Variants in UBR3 observed in about 807,000 individuals in gnomAD.
The protein encoded by UBR3 is ubiquitin protein ligase E3 component n-recognin 3, also known as E3 ubiquitin-protein ligase UBR3.
In UBR3, 85 loss-of-function variants were observed where a neutral mutation model predicts 243.2. The observed-to-expected ratio is 0.35, with a 90% CI of 0.29 to 0.42. The LOEUF is 0.42. Among genes scored for constraint, UBR3 ranks in the 10% least tolerant of loss-of-function variants. UBR3 has a pLI of 1.00. For synonymous variants in UBR3, 748 were observed against 799.8 expected, an observed-to-expected ratio of 0.94 and a Z score of 1.09; for missense variants, 1,686 against 2,300.8, an observed-to-expected ratio of 0.73 and a Z score of 5.47.
chr2:169,919,459 A>G (rs1056915707), intron 11 of UBR3, among the ~76,000 whole-genome samples: 59 of 152,328 alleles, frequency 3.9e-4, no homozygotes, highest in South Asian at 1.0e-3. Context: ...AAAATTGACA[A>G]ATGGGATCTA....
rs1559243417 is a variant in UBR3, at chr2:170,079,898, C to G, written c.5284C>G (p.His1762Asp). 1.2e-6 allele frequency: 2 copies of G among 1,614,016 alleles called. No individual in the cohort carries two copies. The highest frequency in any genetic ancestry group is 1.7e-6 in the Non-Finnish European group (2 of 1,179,940). ...ENYNTIFQYY[H>D]RKTCSVCTKV... ...TTATAACACCATTTTTCAGTACTAC[C>G]ACAGAAAAACCTGTAGTGTCTGCAC... The change falls in exon 37 of 39, where the codon CAC (histidine) becomes GAC (aspartate). Residue 1762 changes from histidine to aspartate, a missense_variant. Transcript: ENST00000272793.
chr2:170,003,861 C>T (rs1013655893), intron 27 of UBR3, among the ~76,000 whole-genome samples: 4 of 152,114 alleles, frequency 2.6e-5, no homozygotes, highest in Admixed American at 2.6e-4. Context: ...AGGATGGTCT[C>T]GATCTCCTGA....
intron 32 of UBR3, among the ~76,000 whole-genome samples, chr2:170,053,740 T>A (rs1574456888): frequency 6.6e-6 from 1 of 152,208 alleles, no homozygotes; most frequent in East Asian, 1.9e-4. Context: ...TTGGTGATTA[T>A]TTTAATGGGG....
chr2:169,869,480 T>C (rs2083370802), intron 1 of UBR3, among the ~76,000 whole-genome samples: 1 of 152,128 alleles, frequency 6.6e-6, no homozygotes, highest in East Asian at 1.9e-4. Context: ...CATGTCAGCC[T>C]CCTAAAGTGT....
At chr2:169,998,264 G>A (rs970806422) in intron 26 of UBR3, among the ~76,000 whole-genome samples, 2 of 152,114 alleles carry the variant, frequency 1.3e-5, no homozygotes, top group Admixed American at 6.5e-5. Context: ...GGGAAGAGAC[G>A]ATCTAATAAA....
intron 1 of UBR3, among the ~76,000 whole-genome samples, chr2:169,849,437 T>G (rs2082589298): frequency 6.6e-6 from 1 of 152,160 alleles, no homozygotes; most frequent in South Asian, 2.1e-4. Context: ...AATATTTAAC[T>G]TTTCCTCCAC....
chr2:169,907,638 C>T (rs554312556), intron 10 of UBR3, among the ~76,000 whole-genome samples: 1 of 152,146 alleles, frequency 6.6e-6, no homozygotes, highest in African/African-American at 2.4e-5. Flanking sequence ...ATATATCTCC[C>T]TCTCCTTTAC....
chr2:169,931,011 T>TA, intron 18 of UBR3, among the ~76,000 whole-genome samples: 1 of 152,132 alleles, frequency 6.6e-6, no homozygotes, highest in Non-Finnish European at 1.5e-5. Context: ...GCAATTCTGA[T>TA]AAAAGCTTTG....
At chr2:170,021,550 C>A (rs191240919) in intron 30 of UBR3, among the ~76,000 whole-genome samples, 4 of 152,156 alleles carry the variant, frequency 2.6e-5, no homozygotes, top group African/African-American at 9.6e-5. Flanking sequence ...TCTCAAAGGC[C>A]CCACCTCCTT....
intron 36 of UBR3, chr2:170,077,971 T>A (rs2091845099): frequency 1.7e-6 from 1 of 600,692 alleles, no homozygotes; most frequent in Non-Finnish European, 3.1e-6. Flanking sequence ...TGCTTTCTCT[T>A]TTCATTTCGG....
chr2:169,894,322 GAAAAAAAAA>G (rs59525862), intron 6 of UBR3, among the ~76,000 whole-genome samples: 17 of 78,246 alleles, frequency 2.2e-4, no homozygotes, highest in African/African-American at 9.7e-4. Flanking sequence ...TGACTCTTAA[GAAAAAAAAA>G]AAAAAAAAAA....
chr2:170,033,428 T>C (rs991605355), intron 31 of UBR3, among the ~76,000 whole-genome samples: 2 of 151,964 alleles, frequency 1.3e-5, no homozygotes, highest in African/African-American at 4.8e-5. Context: ...TAACATGATC[T>C]TTAGGCACAC....
At chr2:169,960,458 G>C (rs957592801) in intron 24 of UBR3, among the ~76,000 whole-genome samples, 1 of 151,896 alleles carries the variant, frequency 6.6e-6, no homozygotes, top group Non-Finnish European at 1.5e-5. Context: ...CTGAAATTCT[G>C]TTTATGGAAT....
chr2:169,954,570 CTT>C (rs572929851), intron 23 of UBR3, among the ~76,000 whole-genome samples: 7,083 of 129,976 alleles, frequency 0.054, 341 homozygotes, highest in African/African-American at 0.13. Flanking sequence ...TGTTACTTAC[CTT>C]TTTTTTTTTT....
At chr2:169,915,935 G>C (rs1412185774) in intron 11 of UBR3, among the ~76,000 whole-genome samples, 4 of 152,008 alleles carry the variant, frequency 2.6e-5, no homozygotes, top group Non-Finnish European at 5.9e-5. Flanking sequence ...GTTTCTGCTT[G>C]TCCCATCATT....
chr2:169,907,121 C>A (rs2085046008), intron 10 of UBR3, among the ~76,000 whole-genome samples: 1 of 150,014 alleles, frequency 6.7e-6, no homozygotes, highest in South Asian at 2.1e-4. Context: ...ACTGCAACCT[C>A]CATCTCCCAG....
intron 1 of UBR3, among the ~76,000 whole-genome samples, chr2:169,839,446 T>C (rs11891040): frequency 0.43 from 64,850 of 152,076 alleles, 15,468 homozygotes; most frequent in Non-Finnish European, 0.55. Context: ...AGACCTAATG[T>C]TAGATAGTAT....
intron 35 of UBR3, among the ~76,000 whole-genome samples, chr2:170,068,748 A>G (rs969856899): frequency 6.6e-6 from 1 of 152,122 alleles, no homozygotes; most frequent in Non-Finnish European, 1.5e-5. Flanking sequence ...GATAAGAAAA[A>G]AAAAGGAGAG....
chr2:169,831,348 C>T (rs188466261), intron 1 of UBR3, among the ~76,000 whole-genome samples: 270 of 150,442 alleles, frequency 1.8e-3, no homozygotes, highest in African/African-American at 6.2e-3. Context: ...CAGGGTTTCT[C>T]CATGTTGGTC....
Sources: allele counts gnomAD v4.1 joint callset (sites outside exome capture counted in the v4.1 genomes callset), GRCh38; gene constraint gnomAD v4.1.1; transcripts MANE v1.5; gene names NCBI Gene and HGNC (gene_info 2026-07-23, HGNC 2026-07-21).